Variants in RNF212B observed in about 807,000 individuals in gnomAD.
RNF212B encodes the protein E3 ubiquitin-protein ligase RNF212B.
A neutral mutation model predicts 55.5 loss-of-function variants in RNF212B; 52 were observed. That is an observed-to-expected ratio of 0.94 (90% CI 0.75 to 1.18). The LOEUF is 1.18. RNF212B is among the 50% of genes most tolerant of loss of function. The pLI is 0.00. For synonymous variants in RNF212B, 99 were observed against 121.4 expected (o/e 0.82, Z 1.21); for missense variants, 289 against 350.4 (o/e 0.82, Z 1.40).
In RNF212B at chr14:23,240,678, C is replaced by T. The variant is rs932460564; in HGVS notation, c.100+233C>T. Among the ~76,000 whole-genome samples the T allele has an allele frequency of 2.0e-5, 3 of 152,212 alleles. No individual in the cohort carries two copies. In the South Asian group the frequency reaches 6.2e-4, roughly 32 times the overall value. On this transcript the variant is annotated intron_variant, in intron 2 of 14. Transcript: ENST00000430154. ...TCTATTACTTGAGGACTAGAATGTA[C>T]TCGTTAGTGTTTTGAAGTCTGGCAG... is the stretch of plus-strand genomic sequence containing the variant.
At chr14:23,204,317 G>A (rs1405165871) in intron 2 of RNF212B, among the ~76,000 whole-genome samples, 2 of 152,144 alleles carry the variant, frequency 1.3e-5, no homozygotes, top group Non-Finnish European at 2.9e-5. Flanking sequence ...ATGTCTAGAA[G>A]CATTTTTCCA....
At chr14:23,261,056 C>T (rs1438484894) in intron 7 of RNF212B, among the ~76,000 whole-genome samples, 1 of 152,198 alleles carries the variant, frequency 6.6e-6, no homozygotes, top group African/African-American at 2.4e-5. Context: ...CATAACCTGA[C>T]GCGTCTACCT....
chr14:23,227,611 G>A (rs926024316), intron 2 of RNF212B, among the ~76,000 whole-genome samples: 2 of 151,828 alleles, frequency 1.3e-5, no homozygotes, highest in African/African-American at 4.8e-5. Context: ...GTGTTTTTTT[G>A]TTTGTTTTGA....
At chr14:23,234,223 G>T (rs1281082078), upstream of RNF212B, among the ~76,000 whole-genome samples, 2 of 151,338 alleles carry the variant, frequency 1.3e-5, no homozygotes, top group African/African-American at 2.4e-5. Context: ...AAAGCTCTTT[G>T]TATATTAAAG....
chr14:23,242,108 G>GA (rs71425076), intron 2 of RNF212B, among the ~76,000 whole-genome samples: 77 of 111,624 alleles, frequency 6.9e-4, no homozygotes, highest in Non-Finnish European at 8.9e-4. Flanking sequence ...AAAAAAAAAA[G>GA]AAAAGAAAAA....
chr14:23,260,599 G>A, intron 6 of RNF212B, 60 bp from the exon 7 acceptor site: 1 of 1,485,248 alleles, frequency 6.7e-7, no homozygotes, highest in Non-Finnish European at 9.2e-7. Context: ...TAAGACTGAA[G>A]ATCTGTTGAT....
intron 1 of RNF212B, among the ~76,000 whole-genome samples, chr14:23,192,163 T>C (rs1360413429): frequency 6.6e-6 from 1 of 151,154 alleles, no homozygotes; most frequent in African/African-American, 2.4e-5. Context: ...AAATACCATT[T>C]GACCCAGCCA....
At chr14:23,224,839 T>G (rs1199845923) in intron 2 of RNF212B, among the ~76,000 whole-genome samples, 1 of 152,096 alleles carries the variant, frequency 6.6e-6, no homozygotes, top group Non-Finnish European at 1.5e-5. Flanking sequence ...AGAGAATATA[T>G]TTGCAAACTT....
At chr14:23,266,819 T>C (rs1291044124) in intron 11 of RNF212B, among the ~76,000 whole-genome samples, 1 of 152,238 alleles carries the variant, frequency 6.6e-6, no homozygotes, top group African/African-American at 2.4e-5. Flanking sequence ...TGGTGTATTC[T>C]ATAGAGTCTG....
At chr14:23,257,079 G>A (rs981351972) in intron 4 of RNF212B, among the ~76,000 whole-genome samples, 2 of 152,090 alleles carry the variant, frequency 1.3e-5, no homozygotes. Flanking sequence ...CTTGAACGTG[G>A]GTGGCGGAGG....
At position 23,272,848 on chromosome 14, in the gene RNF212B, T is replaced by C. The variant is rs1886213918; in HGVS notation, c.860T>C (p.Met287Thr). Reference protein sequence around the residue: ...LQTLYQQRRHMGLPSGREAWT... With the variant: ...LQTLYQQRRHTGLPSGREAWT... ...ACTCTCTACCAACAACGGAGGCATA[T>C]GGGATTACCCAGTGGGAGAGAAGCA... Residue 287 changes from methionine (M) to threonine (T), a missense_variant, in exon 15 of 15, where the codon ATG becomes ACG. Physicochemically the swap from Met to Thr is moderately conservative, Grantham distance 81. Transcript: ENST00000430154. 2 of 1,549,228 alleles carry C rather than the reference T, an allele frequency of 1.3e-6. No individual in the cohort carries two copies. The highest frequency in any genetic ancestry group is 1.7e-6 in the Non-Finnish European group (2 of 1,146,060).
intron 2 of RNF212B, among the ~76,000 whole-genome samples, chr14:23,217,249 CAGTGGTGGGG>C (rs1297956538): frequency 2.2e-4 from 4 of 17,944 alleles, no homozygotes; most frequent in African/African-American, 4.7e-4. Flanking sequence ...GCAGTGGTGG[CAGTGGTGGGG>C]GGGGGGCTCC....
intron 2 of RNF212B, among the ~76,000 whole-genome samples, chr14:23,222,830 A>T (rs919505205): frequency 6.6e-6 from 1 of 151,828 alleles, no homozygotes; most frequent in Non-Finnish European, 1.5e-5. Context: ...AGGCGGGGGG[A>T]TCATCTGAGG....
intron 12 of RNF212B, among the ~76,000 whole-genome samples, chr14:23,269,397 A>C (rs1447052339): frequency 6.6e-6 from 1 of 152,214 alleles, no homozygotes; most frequent in Non-Finnish European, 1.5e-5. Flanking sequence ...CCTTATAAGC[A>C]AAAAAGAAAG....
upstream of RNF212B, among the ~76,000 whole-genome samples, chr14:23,236,772 C>T (rs1883134517): frequency 6.6e-6 from 1 of 151,926 alleles, no homozygotes; most frequent in Non-Finnish European, 1.5e-5. Flanking sequence ...AGAACTACTA[C>T]TCTAAGTGGA....
Position 23,262,927 on chromosome 14 carries a change from G to T in RNF212B, c.482-1G>T. On this transcript the variant is annotated splice_acceptor_variant, in intron 8 of 14. Coordinates refer to ENST00000430154, the MANE Select transcript of RNF212B (RefSeq NM_001282322.3). LOFTEE classifies it high-confidence loss of function. ...TTATTCTGTACTTTATTCTCTTTCA[G>T]TTACCCCACGACCCAGTTTCCAGCA... 6.4e-7 allele frequency: 1 copy of T among 1,550,470 alleles called. No homozygotes were observed. Among genetic ancestry groups the T allele is most frequent in the Non-Finnish European group, 8.7e-7 (1 of 1,146,954 alleles).
At chr14:23,225,678 G>T (rs1881940046) in intron 2 of RNF212B, among the ~76,000 whole-genome samples, 1 of 152,070 alleles carries the variant, frequency 6.6e-6, no homozygotes, top group Non-Finnish European at 1.5e-5. Context: ...ATGGGGTGGG[G>T]AGGAGATGGG....
At chr14:23,192,217 C>T (rs1222427186) in intron 1 of RNF212B, among the ~76,000 whole-genome samples, 3 of 152,088 alleles carry the variant, frequency 2.0e-5, no homozygotes, top group African/African-American at 4.8e-5. Flanking sequence ...AATCATGCTG[C>T]TATAAAGACA....
intron 10 of RNF212B, 71 bp from the exon 11 acceptor site, chr14:23,264,552 A>C: frequency 1.9e-6 from 2 of 1,063,392 alleles, no homozygotes; most frequent in Non-Finnish European, 2.5e-6. Flanking sequence ...GTAGCTATAG[A>C]TAAATAGGGA....
Sources: gnomAD v4.1 joint callset for allele counts (sites outside exome capture counted in the v4.1 genomes callset) on GRCh38, gnomAD v4.1.1 for gene constraint, MANE v1.5 for transcripts, NCBI Gene and HGNC (gene_info 2026-07-23, HGNC 2026-07-21) for gene names.